The following GSTT2B variants were observed in gnomAD, a reference collection of about 807,000 sequenced individuals.
The protein encoded by GSTT2B is glutathione S-transferase theta-2B.
A neutral mutation model predicts 16.6 loss-of-function variants in GSTT2B; 4 were observed. The observed-to-expected ratio is 0.24, with a 90% confidence interval of 0.12 to 0.55. The LOEUF (loss-of-function observed/expected upper bound fraction) is 0.55, where lower values mean the gene tolerates loss of function less well. Among genes scored for constraint, GSTT2B ranks in the 20% least tolerant of loss-of-function variants. The pLI, the probability that GSTT2B is intolerant of heterozygous loss-of-function variation, is 0.94. For synonymous variants in GSTT2B, 9 were observed against 110.9 expected, an observed-to-expected ratio of 0.08 and a Z score of 5.77; for missense variants, 27 against 266.1, an observed-to-expected ratio of 0.10 and a Z score of 6.25.
chr22:23,959,605 G>A lies in GSTT2B; in HGVS notation c.200+689C>T, dbSNP rs1485493916. ...CCCTCTGTCGCCCAGGCTGGAGTGG[G>A]CTCCCTCTGTCACCCAGGCTGGAGT... On this transcript the variant is annotated intron_variant, in intron 2 of 4. Coordinates refer to ENST00000290765, the MANE Select transcript of GSTT2B (RefSeq NM_001080843.4). 2.0e-5 allele frequency among the ~76,000 whole-genome samples: 2 copies of A among 100,376 alleles called. 1 individual carries two copies. Among genetic ancestry groups the A allele is most frequent in the African/African-American group, 6.2e-5 (2 of 32,434 alleles). The allele number at this position is 100,376 out of a possible 152,430, so 65.9% of individuals were successfully genotyped here.
rs1236242634 is a variant in GSTT2B at position 23,958,560 on chromosome 22, CAG to C, written c.340_341del (p.Leu114ValfsTer52). On this transcript the variant is annotated frameshift_variant, in exon 3 of 5. Coordinates refer to ENST00000290765, the MANE Select transcript of GSTT2B (RefSeq NM_001080843.4). LOFTEE classifies it high-confidence loss of function. ...AGATGGCTCTCCTCACCTGGACCCA[CAG>C]GGGTATACCAAAGGTGCCACGGATG... The part of the protein sequence containing the change: ...DCIRGTFGIP[L>X]WVQVLGPLIG... 3 of 1,293,422 alleles carry C rather than the reference CAG, an allele frequency of 2.3e-6. No individual in the cohort carries two copies. The highest frequency in any genetic ancestry group is 2.2e-6 in the Non-Finnish European group (2 of 912,858). The allele number at this position is 1,293,422 out of a possible 1,614,324, so 80.1% of individuals were successfully genotyped here. A position where few individuals can be genotyped will look rare whatever the true frequency, so the allele number is the denominator to read the frequency against.
intron 2 of GSTT2B, 61 bp downstream of exon 2, chr22:23,960,233 G>T: frequency 6.3e-7 from 1 of 1,594,014 alleles, no homozygotes; most frequent in Non-Finnish European, 8.6e-7. Flanking sequence ...CCCGGGGCCA[G>T]TGGGGAGAGC....
intron 1 of GSTT2B, among the ~76,000 whole-genome samples, chr22:23,960,694 A>T (rs1401644673): frequency 1.8e-5 from 2 of 109,224 alleles, no homozygotes; most frequent in Non-Finnish European, 4.2e-5. Flanking sequence ...TTCTCACAAC[A>T]GCATGTCCTT....
Position 23,957,845 on chromosome 22 carries a change from G to A in GSTT2B, c.613C>T (p.Leu205=). The change falls in exon 5 of 5, where the codon CTA becomes TTA. Residue 205 remains leucine (L), a synonymous_variant. Transcript: ENST00000290765. ...ATGATGCTGTGGGCCTCCTGGCATA[G>A]CTCAGCACCCAGGAAAGCCTCCACT... ...GRVEAFLGAE[L]CQEAHSIILS... 1 of 1,613,668 alleles carries A rather than the reference G, an allele frequency of 6.2e-7. No individual in the cohort carries two copies.
At chr22:23,960,020 C>G (rs532132358) in intron 2 of GSTT2B, among the ~76,000 whole-genome samples, 414 of 141,792 alleles carry the variant, frequency 2.9e-3, no homozygotes, top group African/African-American at 0.011. Flanking sequence ...CCCGCCACCA[C>G]GCCCGGTTAA....
intron 2 of GSTT2B, among the ~76,000 whole-genome samples, chr22:23,959,745 T>A (rs1421213854): frequency 2.7e-5 from 2 of 73,738 alleles, no homozygotes; most frequent in African/African-American, 8.4e-5. Context: ...GCCCTGCTAA[T>A]GTTTTGTATT....
In GSTT2B at chr22:23,958,446, G is replaced by T. The variant is rs2146203048; in HGVS notation, c.364C>A (p.Leu122Ile). The T allele has an allele frequency of 6.2e-7, 1 of 1,613,926 alleles. No individual in the cohort carries two copies. The highest frequency in any genetic ancestry group is 2.2e-5 in the East Asian group (1 of 44,860). ...TCCTCGGGCACCTGGACCCCAATGA[G>T]TGGCCCCAACACCTGATGGGGGCAG... The part of the protein sequence containing the change: ...IPLWVQVLGP[L>I]IGVQVPEEKV... The change falls in exon 4 of 5, where the codon CTC becomes ATC. Residue 122 changes from leucine to isoleucine, a missense_variant. Physicochemically the swap from Leu to Ile is conservative, Grantham distance 5. Coordinates refer to ENST00000290765, the MANE Select transcript of GSTT2B (RefSeq NM_001080843.4).
intron 4 of GSTT2B, 49 bp downstream of exon 4, chr22:23,958,235 CT>C (rs1569026710): frequency 1.4e-6 from 1 of 737,826 alleles, no homozygotes; most frequent in Admixed American, 2.3e-5. Context: ...TTCTGTCTGC[CT>C]CATGGGTGTG....
chr22:23,959,930 C>G (rs1788401011), intron 2 of GSTT2B, among the ~76,000 whole-genome samples: 1 of 98,680 alleles, frequency 1.0e-5, no homozygotes, highest in South Asian at 4.1e-4. Flanking sequence ...GTGGCGCGAT[C>G]TCAGCACACT....
chr22:23,960,610 G>A (rs2146205075), intron 1 of GSTT2B, among the ~76,000 whole-genome samples: 1 of 100,196 alleles, frequency 1.0e-5, no homozygotes, highest in East Asian at 2.8e-4. Flanking sequence ...ATAAAGAGAA[G>A]TTTTCTAGCC....
At chr22:23,959,670 T>C (rs1347154044) in intron 2 of GSTT2B, among the ~76,000 whole-genome samples, 2 of 103,452 alleles carry the variant, frequency 1.9e-5, no homozygotes, top group Admixed American at 1.0e-4. Flanking sequence ...CTCCGCCTCC[T>C]GGGTTCACGC....
At chr22:23,960,171 C>G in intron 2 of GSTT2B, 123 bp downstream of exon 2, 1 of 1,188,788 alleles carries the variant, frequency 8.4e-7, no homozygotes, top group South Asian at 1.3e-5. Context: ...GGCCAGATCC[C>G]TCGCCTTTCC....
Position 23,960,370 on chromosome 22 carries a change from T to C in GSTT2B, c.124A>G (p.Ser42Gly). 25 of 1,610,912 alleles carry C rather than the reference T, an allele frequency of 1.6e-5. 1 individual carries two copies. In the Middle Eastern group the frequency reaches 4.1e-3, roughly 266 times the overall value. ...TVDLVKGQHKSKEFLQINSLG... is the reference protein window; with the variant it reads ...TVDLVKGQHKGKEFLQINSLG... The stretch of plus-strand genomic sequence containing the variant: ...CTGTTGATCTGCAAGAACTCCTTGC[T>C]CTTGTGCTGCCCTGAAGAGGAAGAA... The change falls in exon 2 of 5, where the codon AGC becomes GGC. Residue 42 changes from serine to glycine, a missense_variant. Ser to Gly is a moderately conservative substitution (Grantham distance 56, BLOSUM62 0). Transcript: ENST00000290765.
rs1191907155 is a variant in GSTT2B at position 23,959,299 on chromosome 22, G to A, written c.201-598C>T. On this transcript the variant is annotated intron_variant, in intron 2 of 4. Transcript: ENST00000290765. ...GGCCATGGCATTGGCCTCTAGGCCCGGCCTGGGTAGATTGGGTAGTCTGCA... is the reference window on the plus strand; with the variant it reads ...GGCCATGGCATTGGCCTCTAGGCCCAGCCTGGGTAGATTGGGTAGTCTGCA... Among the ~76,000 whole-genome samples the A allele has an allele frequency of 1.1e-4, 9 of 84,852 alleles. 1 individual carries two copies. Among genetic ancestry groups the A allele is most frequent in the East Asian group, 5.9e-4 (2 of 3,406 alleles). The allele number at this position is 84,852 out of a possible 152,430, so 55.7% of individuals were successfully genotyped here. A position where few individuals can be genotyped will look rare whatever the true frequency, so the allele number is the denominator to read the frequency against.
chr22:23,960,071 T>C lies in GSTT2B; in HGVS notation c.200+223A>G, dbSNP rs186152656. ...TAGTAGAGACGGTGTTTCACGGTGT[T>C]AGCCAGGATGGTCTCGGTCTCCTGA... is the stretch of plus-strand genomic sequence containing the variant. On this transcript the variant is annotated intron_variant, in intron 2 of 4. Transcript: ENST00000290765. Among the ~76,000 whole-genome samples the C allele has an allele frequency of 9.5e-3, 1,413 of 148,958 alleles. 19 individuals are homozygous for C. The highest frequency in any genetic ancestry group is 0.033 in the African/African-American group (1,355 of 40,608).
Position 23,958,589 on chromosome 22 carries a change from A to C in GSTT2B, c.313T>G (p.Cys105Gly). Residue 105 changes from cysteine to glycine, a missense_variant, in exon 3 of 5, where the codon TGC becomes GGC. By Grantham distance (159) the Cys-to-Gly change is radical. Transcript: ENST00000290765. ...GGTATACCAAAGGTGCCACGGATGC[A>C]GTCGGCATGCCAGCCCAGGTACTCA... is the stretch of plus-strand genomic sequence containing the variant. Reference protein sequence around the residue: ...VHEYLGWHADCIRGTFGIPLW... With the variant: ...VHEYLGWHADGIRGTFGIPLW... 7.8e-7 allele frequency: 1 copy of C among 1,277,364 alleles called. No homozygotes were observed. Among genetic ancestry groups the C allele is most frequent in the Non-Finnish European group, 1.1e-6 (1 of 900,012 alleles). 79.1% of individuals were successfully genotyped at this position (1,277,364 alleles called of 1,614,324 possible).
intron 2 of GSTT2B, among the ~76,000 whole-genome samples, chr22:23,960,010 C>G (rs1248174849): frequency 1.8e-4 from 25 of 139,844 alleles, no homozygotes; most frequent in South Asian, 2.5e-4. Flanking sequence ...ACTACAGACG[C>G]CCGCCACCAC....
At chr22:23,959,865 C>T (rs2033816354) in intron 2 of GSTT2B, among the ~76,000 whole-genome samples, 2 of 85,188 alleles carry the variant, frequency 2.3e-5, no homozygotes, top group African/African-American at 7.5e-5. Flanking sequence ...GCGTAAACCA[C>T]CGCGCCCGGC....
intron 2 of GSTT2B, among the ~76,000 whole-genome samples, chr22:23,959,682 A>G (rs1027636699): frequency 9.7e-6 from 1 of 102,942 alleles, no homozygotes; most frequent in Non-Finnish European, 2.3e-5. Flanking sequence ...GGTTCACGCC[A>G]TTCTCCTGCC....
Sources: allele counts gnomAD v4.1 joint callset (sites outside exome capture counted in the v4.1 genomes callset), GRCh38; gene constraint gnomAD v4.1.1; transcripts MANE v1.5; gene names NCBI Gene and HGNC (gene_info 2026-07-23, HGNC 2026-07-21).